SLC38A1: variants seen among roughly 807,000 people sequenced by gnomAD.
SLC38A1 encodes the protein solute carrier family 38 member 1.
Under a neutral mutation model 60.3 loss-of-function variants are expected in SLC38A1, and 18 were observed. The ratio of observed to expected loss-of-function variants is 0.30; its 90% CI spans 0.21 to 0.44. The LOEUF (loss-of-function observed/expected upper bound fraction) is 0.44. SLC38A1 is among the 20% of genes least tolerant of loss of function. The pLI is 1.00. For synonymous variants in SLC38A1, 196 were observed against 212.1 expected (o/e 0.92, Z 0.66); for missense variants, 448 against 587.2 (o/e 0.76, Z 2.45).
chr12:46,239,738 A>G lies in SLC38A1; in HGVS notation c.63T>C (p.Asp21=), dbSNP rs1315037585. 1.9e-6 allele frequency: 3 copies of G among 1,613,488 alleles called. No homozygotes were observed. Among genetic ancestry groups the G allele is most frequent in the African/African-American group, 1.3e-5 (1 of 74,892 alleles). ...TELQNMTVPE[D]DNISNDSNDF... is the part of the protein sequence containing the mutation. Reference sequence around the variant, plus strand: ...CATTGGAGTCATTGCTAATGTTATCATCCTCGGGCACTGTCATGTTTTGCA... The same window carrying G: ...CATTGGAGTCATTGCTAATGTTATCGTCCTCGGGCACTGTCATGTTTTGCA... The change falls in exon 3 of 17, where the codon GAT becomes GAC. Residue 21 remains aspartate, a synonymous_variant. Transcript: ENST00000398637.
In SLC38A1 at chr12:46,201,195, T is replaced by A; in HGVS notation, c.906A>T (p.Arg302=). Residue 302 remains arginine (R), a synonymous_variant, in exon 13 of 17, where the codon CGA becomes CGT. Coordinates refer to ENST00000398637, the MANE Select transcript of SLC38A1 (RefSeq NM_030674.4). ...AAACCATCTGCATTTTTTTCTGTGA[T>A]CGGCTAAAAACAAATAAATGTTAAA... ...VLPIYSELKD[R]SQKKMQMVSN... 6.2e-7 allele frequency: 1 copy of A among 1,612,100 alleles called. No individual in the cohort carries two copies. The highest frequency in any genetic ancestry group is 8.5e-7 in the Non-Finnish European group (1 of 1,178,802).
chr12:46,248,294 T>A (rs1231255616), intron 1 of SLC38A1, among the ~76,000 whole-genome samples: 2 of 152,070 alleles, frequency 1.3e-5, no homozygotes, highest in African/African-American at 4.8e-5. Flanking sequence ...GAGACCCATC[T>A]CACGTGCAAA....
At chr12:46,218,924 A>C (rs1214258163) in intron 5 of SLC38A1, among the ~76,000 whole-genome samples, 1 of 152,174 alleles carries the variant, frequency 6.6e-6, no homozygotes, top group East Asian at 1.9e-4. Flanking sequence ...GGGTGGTGTC[A>C]GCTGATACAT....
chr12:46,252,904 G>A (rs759396881), intron 1 of SLC38A1, among the ~76,000 whole-genome samples: 31 of 150,124 alleles, frequency 2.1e-4, no homozygotes, highest in Non-Finnish European at 4.1e-4. Context: ...CCACAACCTG[G>A]ATGAATCTGG....
At chr12:46,239,632 G>T (rs200691367) in intron 3 of SLC38A1, 47 bp downstream of exon 3, 2 of 1,605,736 alleles carry the variant, frequency 1.2e-6, no homozygotes, top group Non-Finnish European at 1.7e-6. Context: ...TGTGAGCCAC[G>T]AGCCATTTCT....
At chr12:46,249,012 C>G (rs1941729755) in intron 1 of SLC38A1, among the ~76,000 whole-genome samples, 1 of 151,856 alleles carries the variant, frequency 6.6e-6, no homozygotes, top group South Asian at 2.1e-4. Context: ...AAAAATTAAC[C>G]AGGTGCGGTG....
chr12:46,226,999 T>A (rs1212194783), intron 5 of SLC38A1, among the ~76,000 whole-genome samples: 1 of 151,570 alleles, frequency 6.6e-6, no homozygotes, highest in Non-Finnish European at 1.5e-5. Flanking sequence ...TCAAGGCACG[T>A]CATTGTGAAA....
At chr12:46,191,120 G>A (rs1437354865) in intron 16 of SLC38A1, among the ~76,000 whole-genome samples, 2 of 152,180 alleles carry the variant, frequency 1.3e-5, no homozygotes, top group Non-Finnish European at 2.9e-5. Flanking sequence ...TATGGTGTAA[G>A]GAAGGGATTC....
chr12:46,204,033 A>G (rs570454499), intron 11 of SLC38A1, among the ~76,000 whole-genome samples: 1 of 152,204 alleles, frequency 6.6e-6, no homozygotes, highest in African/African-American at 2.4e-5. Context: ...CTGTTTTTGA[A>G]GTATCACCTA....
intron 3 of SLC38A1, among the ~76,000 whole-genome samples, chr12:46,235,194 T>G (rs1941217555): frequency 6.6e-6 from 1 of 152,222 alleles, no homozygotes; most frequent in Admixed American, 6.5e-5. Flanking sequence ...GAGGTTCTGT[T>G]ATTTAAAACC....
Position 46,198,663 on chromosome 12 carries a change from C to T in SLC38A1, c.1084G>A (p.Val362Ile). ...LILTVRLAVI[V>I]AVILTVPVLF... Reference sequence around the variant, plus strand: ...ACCGGCACTGTGAGGATCACAGCAACAATGACAGCCAGCCGCACTGTCAGG... The same window carrying T: ...ACCGGCACTGTGAGGATCACAGCAATAATGACAGCCAGCCGCACTGTCAGG... Residue 362 changes from valine (V) to isoleucine (I), a missense_variant, in exon 14 of 17, where the codon GTT becomes ATT. This residue lies in a region of SLC38A1 where 346 missense variants were observed against 497.5 expected (regional missense o/e 0.70). Coordinates refer to ENST00000398637, the MANE Select transcript of SLC38A1 (RefSeq NM_030674.4). The T allele has an allele frequency of 6.2e-6, 10 of 1,613,588 alleles. No homozygotes were observed. The highest frequency in any genetic ancestry group is 7.6e-6 in the Non-Finnish European group (9 of 1,179,778).
In SLC38A1 at chr12:46,203,066, A is replaced by G; in HGVS notation, c.846T>C (p.Ile282=). 1 of 1,614,052 alleles carries G rather than the reference A, an allele frequency of 6.2e-7. No individual in the cohort carries two copies. Among genetic ancestry groups the G allele is most frequent in the South Asian group, 1.1e-5 (1 of 91,086 alleles). ...ACGGGTGGCAAACAAATGCAAATGC[A>G]ATGGTGGGTAAAGCATACACGGTCT... ...NSKTVYALPT[I]AFAFVCHPSV... Residue 282 remains isoleucine, a synonymous_variant, in exon 12 of 17, where the codon ATT becomes ATC. Coordinates refer to ENST00000398637, the MANE Select transcript of SLC38A1 (RefSeq NM_030674.4).
At chr12:46,235,319 A>C (rs1469932256) in intron 3 of SLC38A1, among the ~76,000 whole-genome samples, 2 of 152,370 alleles carry the variant, frequency 1.3e-5, no homozygotes, top group East Asian at 3.9e-4. Flanking sequence ...AGAATTCATA[A>C]CATAAAAGAG....
At chr12:46,209,201 A>G in intron 5 of SLC38A1, 74 bp from the exon 6 acceptor site, 1 of 1,072,168 alleles carries the variant, frequency 9.3e-7, no homozygotes, top group Non-Finnish European at 1.4e-6. Flanking sequence ...TTAGAAGGGC[A>G]AAGGTTTATT....
In SLC38A1 at chr12:46,269,041, A is replaced by C; in HGVS notation, c.-724T>G. ...CGCTCTTTAACCAAAGCTGCGTGTC[A>C]GTGAGCCGTGCCGGTCACATGGTGT... On this transcript the variant is annotated 5_prime_UTR_variant, in exon 1 of 17. Transcript: ENST00000398637. 3.3e-6 allele frequency: 1 copy of C among 306,098 alleles called. No individual in the cohort carries two copies. The highest frequency in any genetic ancestry group is 2.3e-5 in the South Asian group (1 of 43,460). 19.0% of individuals were successfully genotyped at this position (306,098 alleles called of 1,614,324 possible).
chr12:46,237,408 C>T (rs1203648840), intron 3 of SLC38A1, among the ~76,000 whole-genome samples: 1 of 152,008 alleles, frequency 6.6e-6, no homozygotes, highest in Non-Finnish European at 1.5e-5. Context: ...CATGCTATAA[C>T]ATGTTGTTTT....
intron 5 of SLC38A1, among the ~76,000 whole-genome samples, chr12:46,215,405 C>G (rs1172892874): frequency 6.6e-6 from 1 of 152,116 alleles, no homozygotes; most frequent in Non-Finnish European, 1.5e-5. Flanking sequence ...GGTTGACTTC[C>G]TCAAGCATTA....
intron 3 of SLC38A1, among the ~76,000 whole-genome samples, chr12:46,237,262 C>T (rs189107990): frequency 1.4e-4 from 21 of 152,174 alleles, no homozygotes; most frequent in African/African-American, 3.9e-4. Context: ...TTGAGAAAGC[C>T]GCAGGAAGAA....
At chr12:46,251,799 T>C (rs886453358) in intron 1 of SLC38A1, among the ~76,000 whole-genome samples, 8 of 151,898 alleles carry the variant, frequency 5.3e-5, no homozygotes, top group Non-Finnish European at 1.2e-4. Flanking sequence ...ACCATCTCAC[T>C]CCAGTTAGAA....
Sources: gnomAD v4.1 joint callset for allele counts (sites outside exome capture counted in the v4.1 genomes callset) on GRCh38, gnomAD v4.1.1 for gene constraint, gnomAD v4.1.1 regional missense constraint, MANE v1.5 for transcripts, NCBI Gene and HGNC (gene_info 2026-07-23, HGNC 2026-07-21) for gene names.